MALRD1: variants seen among roughly 807,000 people sequenced by gnomAD.
The protein encoded by MALRD1 is MAM and LDL receptor class A domain containing 1, also known as MAM and LDL-receptor class A domain-containing protein 1.
MALRD1 carries 247 observed loss-of-function variants against 242.1 expected under a neutral mutation model. The observed-to-expected ratio is 1.02, with a 90% CI of 0.92 to 1.13. MALRD1 has a LOEUF of 1.13. Among genes scored for constraint, MALRD1 ranks in the 50% most tolerant of loss-of-function variants. The pLI is 0.00. For missense variants in MALRD1, 2,989 were observed against 2,533.1 expected (o/e 1.18, Z -3.86); for synonymous variants, 995 against 866.6 (o/e 1.15, Z -2.60).
At chr10:19,322,674 G>C (rs1842953461) in intron 21 of MALRD1, among the ~76,000 whole-genome samples, 1 of 152,084 alleles carries the variant, frequency 6.6e-6, no homozygotes, top group Non-Finnish European at 1.5e-5. Context: ...GTAGAAACTT[G>C]GACAGCCACT....
intron 28 of MALRD1, among the ~76,000 whole-genome samples, chr10:19,437,227 C>T (rs1834385605): frequency 6.6e-6 from 1 of 152,048 alleles, no homozygotes; most frequent in South Asian, 2.1e-4. Flanking sequence ...CTAAGATCAC[C>T]TGTTTTGTCT....
intron 18 of MALRD1, among the ~76,000 whole-genome samples, chr10:19,216,635 C>G (rs986928010): frequency 6.6e-6 from 1 of 151,988 alleles, no homozygotes; most frequent in African/African-American, 2.4e-5. Context: ...CCCATGTTAT[C>G]AGTATAACAG....
intron 18 of MALRD1, among the ~76,000 whole-genome samples, chr10:19,252,017 T>G (rs2131787924): frequency 6.6e-6 from 1 of 152,140 alleles, no homozygotes; most frequent in Admixed American, 6.6e-5. Context: ...AAGCCATGCT[T>G]ACTGTACAGG....
chr10:19,472,038 G>A (rs1836523097), intron 29 of MALRD1, among the ~76,000 whole-genome samples: 1 of 151,796 alleles, frequency 6.6e-6, no homozygotes, highest in African/African-American at 2.4e-5. Flanking sequence ...TTTCACCATT[G>A]AGCTTTCACA....
chr10:19,111,527 A>T (rs933474863), intron 5 of MALRD1, among the ~76,000 whole-genome samples: 7 of 152,114 alleles, frequency 4.6e-5, no homozygotes, highest in Non-Finnish European at 7.4e-5. Flanking sequence ...GCATATGGAA[A>T]GTAGACCTAC....
intron 31 of MALRD1, among the ~76,000 whole-genome samples, chr10:19,527,600 A>G (rs961733027): frequency 1.3e-5 from 2 of 152,188 alleles, no homozygotes; most frequent in South Asian, 2.1e-4. Flanking sequence ...ATGGAAGTAC[A>G]TTAGTTATCA....
intron 14 of MALRD1, among the ~76,000 whole-genome samples, chr10:19,193,293 C>T (rs1036394729): frequency 4.6e-5 from 7 of 152,266 alleles, no homozygotes; most frequent in Admixed American, 4.6e-4. Context: ...CAGTGGCTCA[C>T]ACCTGTAATC....
intron 28 of MALRD1, among the ~76,000 whole-genome samples, chr10:19,414,676 G>T (rs1833433016): frequency 6.6e-6 from 1 of 152,150 alleles, no homozygotes; most frequent in South Asian, 2.1e-4. Context: ...ACTTCACGGA[G>T]TGTAGGGGAA....
intron 36 of MALRD1, among the ~76,000 whole-genome samples, chr10:19,665,914 A>G (rs187233490): frequency 1.3e-5 from 2 of 151,314 alleles, no homozygotes; most frequent in Non-Finnish European, 1.5e-5. Context: ...CCTTGCCGTA[A>G]CAGAAAACAG....
At chr10:19,539,241 G>A (rs1434509934) in intron 32 of MALRD1, among the ~76,000 whole-genome samples, 1 of 152,070 alleles carries the variant, frequency 6.6e-6, no homozygotes, top group Non-Finnish European at 1.5e-5. Context: ...ATTTTAACAG[G>A]TAAGGCAAAT....
At chr10:19,637,261 A>G (rs1252976351) in intron 36 of MALRD1, among the ~76,000 whole-genome samples, 1 of 152,208 alleles carries the variant, frequency 6.6e-6, no homozygotes, top group African/African-American at 2.4e-5. Flanking sequence ...TGGAACAATA[A>G]TGTCAGTTTC....
At position 19,607,766 on chromosome 10, in the gene MALRD1, T is replaced by C; in HGVS notation, c.5945-11T>C. The C allele has an allele frequency of 1.9e-6, 3 of 1,544,790 alleles. No individual in the cohort carries two copies. The highest frequency in any genetic ancestry group is 2.6e-6 in the Non-Finnish European group (3 of 1,144,984). ...CTGGCATCCCTGATCATTATTCTTT[T>C]TTTTTTGCAGCCAACAAAAGCTGTT... On this transcript the variant is annotated splice_polypyrimidine_tract_variant and intron_variant, in intron 34 of 39. Transcript: ENST00000454679.
At chr10:19,179,810 T>C (rs531482097) in intron 14 of MALRD1, among the ~76,000 whole-genome samples, 1 of 152,316 alleles carries the variant, frequency 6.6e-6, no homozygotes, top group African/African-American at 2.4e-5. Flanking sequence ...AGTGTATCAA[T>C]AAATAGTTCT....
intron 21 of MALRD1, among the ~76,000 whole-genome samples, chr10:19,295,593 G>T (rs1841657885): frequency 6.6e-6 from 1 of 151,862 alleles, no homozygotes; most frequent in Admixed American, 6.6e-5. Flanking sequence ...AGAGAAAAAA[G>T]CTGGAAGTTA....
intron 10 of MALRD1, among the ~76,000 whole-genome samples, chr10:19,145,497 A>G (rs979572599): frequency 6.6e-6 from 1 of 151,932 alleles, no homozygotes. Flanking sequence ...TAAAAAAAAA[A>G]TATCCGAGCA....
Position 19,491,553 on chromosome 10 carries a change from A to T in MALRD1, c.5066A>T (p.Asp1689Val). The T allele has an allele frequency of 6.5e-7, 1 of 1,550,174 alleles. No individual in the cohort carries two copies. ...TCTGAGCTTTGTCCGGAAATCACTG[A>T]TTTTTTGTGCCGGGACAAGAAGTGC... ...EISELCPEIT[D>V]FLCRDKKCIA... The change falls in exon 30 of 40, where the codon GAT becomes GTT. Residue 1689 changes from aspartate (D) to valine (V), a missense_variant. Transcript: ENST00000454679.
At position 19,215,681 on chromosome 10, in the gene MALRD1, A is replaced by G. The variant is rs542996705; in HGVS notation, c.2991+6001A>G. ...TTCAAACTAATGTCTACTCCTTCTT[A>G]CTGTCTCAAACTAGATCCTGTGCAG... On this transcript the variant is annotated intron_variant, in intron 18 of 39. Coordinates refer to ENST00000454679, the MANE Select transcript of MALRD1 (RefSeq NM_001142308.3). 9.2e-5 allele frequency among the ~76,000 whole-genome samples: 14 copies of G among 152,108 alleles called. No homozygotes were observed. The South Asian group carries it at 2.9e-3, about 32-fold the overall frequency.
At chr10:19,729,920 G>A (rs1296649215) in intron 38 of MALRD1, among the ~76,000 whole-genome samples, 5 of 151,170 alleles carry the variant, frequency 3.3e-5, no homozygotes, top group Admixed American at 3.3e-4. Flanking sequence ...TGTATTTTCA[G>A]TAGAGACGGG....
At chr10:19,492,959 AATTTTTAATAT>A (rs1460637752) in intron 30 of MALRD1, among the ~76,000 whole-genome samples, 5 of 152,138 alleles carry the variant, frequency 3.3e-5, no homozygotes, top group African/African-American at 1.2e-4. Flanking sequence ...TTCTATTTAA[AATTTTTAATAT>A]ATTTTTAAAC....
Sources: allele counts gnomAD v4.1 joint callset (sites outside exome capture counted in the v4.1 genomes callset), GRCh38; gene constraint gnomAD v4.1.1; transcripts MANE v1.5; gene names NCBI Gene and HGNC (gene_info 2026-07-23, HGNC 2026-07-21).